Variants in RNF150 observed in about 807,000 individuals in gnomAD.
RNF150 encodes the protein ring finger protein 150.
Under a neutral mutation model 39.3 loss-of-function variants are expected in RNF150, and 24 were observed. The ratio of observed to expected loss-of-function variants is 0.61; its 90% CI spans 0.44 to 0.86. The LOEUF is 0.86. RNF150 is among the 40% of genes least tolerant of loss of function. RNF150 has a pLI of 0.00. For missense variants in RNF150, 502 were observed against 587.8 expected (o/e 0.85, Z 1.51); for synonymous variants, 255 against 227.3 (o/e 1.12, Z -1.10).
At chr4:140,924,095 C>T (rs532652734) in intron 5 of RNF150, among the ~76,000 whole-genome samples, 1 of 152,188 alleles carries the variant, frequency 6.6e-6, no homozygotes, top group African/African-American at 2.4e-5. Context: ...ACGTTTTGCA[C>T]ATGTATCCTA....
At chr4:140,938,316 T>TA (rs1427531159) in intron 4 of RNF150, among the ~76,000 whole-genome samples, 9 of 152,180 alleles carry the variant, frequency 5.9e-5, no homozygotes, top group African/African-American at 1.7e-4. Context: ...TTCCTCATGT[T>TA]ACGCTATTTA....
intron 1 of RNF150, among the ~76,000 whole-genome samples, chr4:141,023,224 AGAT>A (rs34239783): frequency 0.39 from 58,939 of 150,300 alleles, 12,007 homozygotes; most frequent in South Asian, 0.57. Flanking sequence ...GAAACTGGTG[AGAT>A]GATGATGATG....
At chr4:141,202,002 G>A (rs1267580062) in intron 1 of RNF150, among the ~76,000 whole-genome samples, 1 of 152,102 alleles carries the variant, frequency 6.6e-6, no homozygotes, top group Admixed American at 6.5e-5. Context: ...TTTCAGCCAT[G>A]TGAGGGCACA....
chr4:140,994,447 G>C (rs1734294746), intron 1 of RNF150, among the ~76,000 whole-genome samples: 1 of 151,980 alleles, frequency 6.6e-6, no homozygotes, highest in Non-Finnish European at 1.5e-5. Flanking sequence ...TGATTGTGGG[G>C]CTGCTGTGCA....
intron 1 of RNF150, among the ~76,000 whole-genome samples, chr4:141,006,047 C>G: frequency 8.3e-6 from 1 of 121,132 alleles, no homozygotes. Flanking sequence ...CCAGCCTGGG[C>G]GACAGAGCGA....
At chr4:140,963,471 A>T (rs1281448206) in intron 2 of RNF150, among the ~76,000 whole-genome samples, 1 of 152,112 alleles carries the variant, frequency 6.6e-6, no homozygotes, top group East Asian at 1.9e-4. Context: ...TTTGAAGTTT[A>T]TTTTATTACA....
chr4:141,132,178 G>A lies in RNF150; in HGVS notation c.484+147C>T. 3.7e-6 allele frequency: 3 copies of A among 804,386 alleles called. No individual in the cohort carries two copies. Among genetic ancestry groups the A allele is most frequent in the South Asian group, 1.8e-5 (1 of 54,934 alleles). The allele number at this position is 804,386 out of a possible 1,614,324, so 49.8% of individuals were successfully genotyped here. On this transcript the variant is annotated intron_variant, in intron 1 of 6. Coordinates refer to ENST00000515673, the MANE Select transcript of RNF150 (RefSeq NM_020724.2). The surrounding 1 kb of genome is among the most constrained non-coding windows in gnomAD (Gnocchi z 4.9). ...CTTTGTAAACCCCCCAAGTGACGCGGAGCAAAACTTAATCGGTCCAGGGAA... is the reference window on the plus strand; with the variant it reads ...CTTTGTAAACCCCCCAAGTGACGCGAAGCAAAACTTAATCGGTCCAGGGAA...
At chr4:141,007,323 G>C (rs1053290935) in intron 1 of RNF150, among the ~76,000 whole-genome samples, 8 of 152,190 alleles carry the variant, frequency 5.3e-5, no homozygotes, top group Non-Finnish European at 1.2e-4. Flanking sequence ...GAAAGTGAAA[G>C]GCCACCAGGC....
At position 141,174,636 on chromosome 4, in the gene RNF150, T is replaced by C. The variant is rs72726210; in HGVS notation, c.-6+38158A>G. The stretch of plus-strand genomic sequence containing the variant: ...GAGCCTTATTTGGTTCCTTGGTCCC[T>C]ACTCTGCCTTGAAAGGCAGACCACA... On this transcript the variant is annotated intron_variant, in intron 1 of 7. Transcript: ENST00000420921. Among the ~76,000 whole-genome samples the C allele has an allele frequency of 2.1e-3, 319 of 152,220 alleles. 1 individual carries two copies. The highest frequency in any genetic ancestry group is 3.7e-3 in the Non-Finnish European group (250 of 68,004).
chr4:140,883,904 C>G (rs1362674561), intron 6 of RNF150, among the ~76,000 whole-genome samples: 1 of 152,108 alleles, frequency 6.6e-6, no homozygotes, highest in Non-Finnish European at 1.5e-5. Context: ...TCTTTTAGAA[C>G]TCTCATGATG....
At chr4:141,022,978 T>C (rs1735554613) in intron 1 of RNF150, among the ~76,000 whole-genome samples, 1 of 152,190 alleles carries the variant, frequency 6.6e-6, no homozygotes, top group Admixed American at 6.5e-5. Context: ...TCCATAAGTG[T>C]AAGAATCTGA....
At chr4:141,095,547 C>A (rs1423840499) in intron 1 of RNF150, among the ~76,000 whole-genome samples, 1 of 152,090 alleles carries the variant, frequency 6.6e-6, no homozygotes, top group Non-Finnish European at 1.5e-5. Context: ...AAACATAATT[C>A]TAAGGGAAAA....
intron 6 of RNF150, among the ~76,000 whole-genome samples, chr4:140,882,250 A>C (rs563646942): frequency 1.3e-5 from 2 of 152,124 alleles, no homozygotes; most frequent in Non-Finnish European, 2.9e-5. Flanking sequence ...CGATCTGCTG[A>C]CCTCGTGATC....
At chr4:141,023,270 G>A (rs1189708491) in intron 1 of RNF150, among the ~76,000 whole-genome samples, 2 of 151,884 alleles carry the variant, frequency 1.3e-5, no homozygotes, top group Non-Finnish European at 2.9e-5. Flanking sequence ...TTGAGTGATG[G>A]AGTCTTGCTC....
At chr4:141,146,802 G>C (rs573233370) in intron 1 of RNF150, among the ~76,000 whole-genome samples, 17 of 152,220 alleles carry the variant, frequency 1.1e-4, no homozygotes, top group African/African-American at 3.9e-4. Flanking sequence ...TCTCCACTAA[G>C]AGAAGTATAC....
At chr4:141,020,672 C>T (rs2110784080) in intron 1 of RNF150, among the ~76,000 whole-genome samples, 1 of 152,298 alleles carries the variant, frequency 6.6e-6, no homozygotes, top group East Asian at 1.9e-4. Context: ...TAAACTATGG[C>T]CAACCATACA....
In RNF150 at chr4:140,862,673, C is replaced by T. The variant is rs1490286880; in HGVS notation, c.*5588G>A. On this transcript the variant is annotated 3_prime_UTR_variant, in exon 7 of 7. Coordinates refer to ENST00000515673, the MANE Select transcript of RNF150 (RefSeq NM_020724.2). ...GGAAGAGCTAAGGGATGATGAGAAA[C>T]TCATATTAGCTTCTTAGAATTAATT... The T allele has an allele frequency of 6.6e-6, 1 of 152,166 alleles. No homozygotes were observed. The highest frequency in any genetic ancestry group is 1.9e-4 in the East Asian group (1 of 5,202). 9.4% of individuals were successfully genotyped at this position (152,166 alleles called of 1,614,324 possible). A position where few individuals can be genotyped will look rare whatever the true frequency, so the allele number is the denominator to read the frequency against.
At chr4:141,082,911 C>CT (rs1214428488) in intron 1 of RNF150, among the ~76,000 whole-genome samples, 7 of 152,176 alleles carry the variant, frequency 4.6e-5, no homozygotes. Context: ...CAATATATTT[C>CT]TTCTTCCATC....
chr4:141,148,227 T>C (rs1727234810), intron 1 of RNF150, among the ~76,000 whole-genome samples: 1 of 152,202 alleles, frequency 6.6e-6, no homozygotes, highest in South Asian at 2.1e-4. Context: ...TATAGGATGA[T>C]GGCTTCCTCT....
Sources: allele counts gnomAD v4.1 joint callset (sites outside exome capture counted in the v4.1 genomes callset), GRCh38; gene constraint gnomAD v4.1.1; non-coding constraint Gnocchi (gnomAD v3.1); transcripts MANE v1.5; gene names NCBI Gene and HGNC (gene_info 2026-07-23, HGNC 2026-07-21).